CLK3: variants seen among roughly 807,000 people sequenced by gnomAD.
The protein encoded by CLK3 is CDC like kinase 3, also known as dual specificity protein kinase CLK3.
Under a neutral mutation model 65.2 loss-of-function variants are expected in CLK3, and 24 were observed. That is an observed-to-expected ratio of 0.37 (90% confidence interval 0.27 to 0.52). CLK3 has a LOEUF of 0.52. Ranked by LOEUF, CLK3 falls within the 20% of genes least tolerant of loss-of-function variation. CLK3 has a pLI of 0.92. For missense variants in CLK3, 506 were observed against 660.0 expected (o/e 0.77, Z 2.56); for synonymous variants, 252 against 240.8 (o/e 1.05, Z -0.43).
chr15:74,619,339 G>C lies in CLK3; in HGVS notation c.143G>C (p.Arg48Pro), dbSNP rs183588535. 2 of 1,614,054 alleles carry C rather than the reference G, an allele frequency of 1.2e-6. No homozygotes were observed. The change falls in exon 2 of 13, where the codon CGG becomes CCG. Residue 48 changes from arginine to proline, a missense_variant. Around this residue, in one of 2 missense-constraint regions of CLK3, gnomAD observed 181 missense variants for 159.4 expected, o/e 1.14. Transcript: ENST00000395066. ...SRREPPPRRS[R>P]SRSHDRLPYQ... The stretch of plus-strand genomic sequence containing the variant: ...AGGGAGCCTCCCCCACGAAGATCTC[G>C]GTCCAGAAGGTGAGAGGGAACTAGA...
chr15:74,619,786 T>C (rs1255427447), intron 2 of CLK3, among the ~76,000 whole-genome samples: 1 of 152,140 alleles, frequency 6.6e-6, no homozygotes, highest in African/African-American at 2.4e-5. Flanking sequence ...CCCCTTCCCC[T>C]GTACCCCTCC....
Position 74,627,099 on chromosome 15 carries a change from G to C in CLK3, c.818-253G>C. 3.5e-6 allele frequency: 2 copies of C among 573,276 alleles called. No homozygotes were observed. The highest frequency in any genetic ancestry group is 6.6e-6 in the Non-Finnish European group (2 of 304,134). The allele number at this position is 573,276 out of a possible 1,614,324, so 35.5% of individuals were successfully genotyped here. A position where few individuals can be genotyped will look rare whatever the true frequency, so the allele number is the denominator to read the frequency against. On this transcript the variant is annotated intron_variant, in intron 7 of 12. Coordinates refer to ENST00000395066, the MANE Select transcript of CLK3 (RefSeq NM_001130028.2). The surrounding 1 kb of genome is among the most constrained non-coding windows in gnomAD (Gnocchi z 4.3). ...GGCCTGGTCTCTGCAGAGGAGAGGT[G>C]GAGGGAGGTTTTTCGAATGGCAAAT...
chr15:74,621,915 T>TGAC lies in CLK3; in HGVS notation c.370-204_370-203insACG, dbSNP rs1330298260. On this transcript the variant is annotated intron_variant, in intron 3 of 12. Coordinates refer to ENST00000395066, the MANE Select transcript of CLK3 (RefSeq NM_001130028.2). This position sits in a 1 kb window ranked among gnomAD's most constrained non-coding sequence, Gnocchi z 4.8. ...TACTTTTCTGTTTTTGAAGTCAGTTTGTGTCTTGACGTGTCCCTTGCAATA... is the reference window on the plus strand; with the variant it reads ...TACTTTTCTGTTTTTGAAGTCAGTTTGACGTGTCTTGACGTGTCCCTTGCAATA... The TGAC allele has an allele frequency of 1.6e-6, 1 of 640,560 alleles. No homozygotes were observed. Among genetic ancestry groups the TGAC allele is most frequent in the Non-Finnish European group, 2.9e-6 (1 of 342,928 alleles). The allele number at this position is 640,560 out of a possible 1,614,324, so 39.7% of individuals were successfully genotyped here.
chr15:74,627,307 C>T lies in CLK3; in HGVS notation c.818-45C>T. The T allele has an allele frequency of 6.7e-7, 1 of 1,503,450 alleles. No homozygotes were observed. The highest frequency in any genetic ancestry group is 9.3e-7 in the Non-Finnish European group (1 of 1,079,792). 93.1% of individuals were successfully genotyped at this position (1,503,450 alleles called of 1,614,324 possible). A position where few individuals can be genotyped will look rare whatever the true frequency, so the allele number is the denominator to read the frequency against. ...GTCTGGCCTAGAGCTGGCAGGAGAG[C>T]CAGCTTCTCAGTGCCTACTTCCCCT... On this transcript the variant is annotated intron_variant, in intron 7 of 12. Coordinates refer to ENST00000395066, the MANE Select transcript of CLK3 (RefSeq NM_001130028.2). This position sits in a 1 kb window ranked among gnomAD's most constrained non-coding sequence, Gnocchi z 4.3.
At position 74,628,675 on chromosome 15, in the gene CLK3, C is replaced by T. The variant is rs1239552587; in HGVS notation, c.1197C>T (p.His399=). Residue 399 remains histidine (H), a synonymous_variant, in exon 11 of 13, where the codon CAC becomes CAT. Transcript: ENST00000395066. ...ILGPIPSHMI[H]RTRKQKYFYK... is the part of the protein sequence containing the mutation. ...GGCCCATCCCATCACACATGATCCA[C>T]CGTACCAGGTAAGGACCCCAGTAGC... The T allele has an allele frequency of 6.2e-7, 1 of 1,612,290 alleles. No homozygotes were observed. The highest frequency in any genetic ancestry group is 1.1e-5 in the South Asian group (1 of 90,970).
In CLK3 at chr15:74,627,683, G is replaced by A. The variant is rs970432803; in HGVS notation, c.1042+15G>A. 1 of 1,613,246 alleles carries A rather than the reference G, an allele frequency of 6.2e-7. No individual in the cohort carries two copies. The highest frequency in any genetic ancestry group is 8.5e-7 in the Non-Finnish European group (1 of 1,180,012). ...GGTGATCCTTGGTGAGTGACTGTAT[G>A]GCCTGTGACCTTGTCATACTGGACT... On this transcript the variant is annotated intron_variant, in intron 9 of 12. Transcript: ENST00000395066. This position sits in a 1 kb window ranked among gnomAD's most constrained non-coding sequence, Gnocchi z 4.3.
chr15:74,626,316 C>CAGGTCCTGCCCACATGG (rs1003926228), intron 7 of CLK3, among the ~76,000 whole-genome samples: 7 of 152,254 alleles, frequency 4.6e-5, no homozygotes, highest in Admixed American at 4.6e-4. Context: ...GATAGCACCA[C>CAGGTCCTGCCCACATGG]AGGTCCTGCC....
chr15:74,627,897 G>T lies in CLK3; in HGVS notation c.1043-73G>T. On this transcript the variant is annotated intron_variant, in intron 9 of 12. Transcript: ENST00000395066. This position sits in a 1 kb window ranked among gnomAD's most constrained non-coding sequence, Gnocchi z 4.3. ...GGCAAGAGTCCTGCCAGCCGGTGTG[G>T]TGGCTGCCTTGTGACTTCCAGGCTG... 7.7e-7 allele frequency: 1 copy of T among 1,303,488 alleles called. No individual in the cohort carries two copies. Among genetic ancestry groups the T allele is most frequent in the South Asian group, 1.2e-5 (1 of 84,178 alleles). The allele number at this position is 1,303,488 out of a possible 1,614,324, so 80.7% of individuals were successfully genotyped here.
chr15:74,618,084 C>CCTG (rs1412753323), intron 1 of CLK3, among the ~76,000 whole-genome samples: 2 of 152,098 alleles, frequency 1.3e-5, no homozygotes, highest in African/African-American at 4.8e-5. Context: ...CCTGACAGAC[C>CCTG]CTGCTGGTGA....
chr15:74,629,580 A>G, intron 12 of CLK3, 127 bp from the exon 13 acceptor site: 1 of 658,732 alleles, frequency 1.5e-6, no homozygotes, highest in Non-Finnish European at 2.7e-6. Flanking sequence ...GGGCGGAAGT[A>G]GAGTCCTCCA....
Position 74,622,052 on chromosome 15 carries a change from C to A in CLK3, c.370-68C>A. On this transcript the variant is annotated intron_variant, in intron 3 of 12. Coordinates refer to ENST00000395066, the MANE Select transcript of CLK3 (RefSeq NM_001130028.2). The surrounding 1 kb of genome is among the most constrained non-coding windows in gnomAD (Gnocchi z 4.6). ...CCACCTCTGCCTTTGACTGACACCT[C>A]AATCTGTCAATCGGAACCGCCTACC... is the stretch of plus-strand genomic sequence containing the variant. 6.9e-7 allele frequency: 1 copy of A among 1,454,322 alleles called. No individual in the cohort carries two copies. The highest frequency in any genetic ancestry group is 9.6e-7 in the Non-Finnish European group (1 of 1,036,448). 90.1% of individuals were successfully genotyped at this position (1,454,322 alleles called of 1,614,324 possible).
upstream of CLK3, chr15:74,615,337 A>C (rs2062043799): frequency 5.0e-6 from 5 of 1,000,192 alleles, no homozygotes; most frequent in South Asian, 2.4e-4. Flanking sequence ...AAACCCGCAC[A>C]CACCAAGATA....
intron 1 of CLK3, among the ~76,000 whole-genome samples, chr15:74,608,889 G>C (rs2061947965): frequency 6.6e-6 from 1 of 152,180 alleles, no homozygotes; most frequent in African/African-American, 2.4e-5. Flanking sequence ...CCCCACCCCA[G>C]CCTGGCTTGG....
In CLK3 at chr15:74,627,282, G is replaced by A. The variant is rs1596291182; in HGVS notation, c.818-70G>A. On this transcript the variant is annotated intron_variant, in intron 7 of 12. Coordinates refer to ENST00000395066, the MANE Select transcript of CLK3 (RefSeq NM_001130028.2). This position sits in a 1 kb window ranked among gnomAD's most constrained non-coding sequence, Gnocchi z 4.3. ...GGCAGTTGCTGGCATTGGAAGAGGG[G>A]TCTGGCCTAGAGCTGGCAGGAGAGC... 1 of 1,223,786 alleles carries A rather than the reference G, an allele frequency of 8.2e-7. No homozygotes were observed. Among genetic ancestry groups the A allele is most frequent in the East Asian group, 2.3e-5 (1 of 43,012 alleles). The allele number at this position is 1,223,786 out of a possible 1,614,324, so 75.8% of individuals were successfully genotyped here. A position where few individuals can be genotyped will look rare whatever the true frequency, so the allele number is the denominator to read the frequency against.
In CLK3 at chr15:74,627,923, G is replaced by A; in HGVS notation, c.1043-47G>A. 6.8e-7 allele frequency: 1 copy of A among 1,467,774 alleles called. No individual in the cohort carries two copies. Among genetic ancestry groups the A allele is most frequent in the South Asian group, 1.1e-5 (1 of 88,184 alleles). The allele number at this position is 1,467,774 out of a possible 1,614,324, so 90.9% of individuals were successfully genotyped here. A position where few individuals can be genotyped will look rare whatever the true frequency, so the allele number is the denominator to read the frequency against. On this transcript the variant is annotated intron_variant, in intron 9 of 12. Coordinates refer to ENST00000395066, the MANE Select transcript of CLK3 (RefSeq NM_001130028.2). This position sits in a 1 kb window ranked among gnomAD's most constrained non-coding sequence, Gnocchi z 4.3. ...TGGCTGCCTTGTGACTTCCAGGCTG[G>A]AAGCATAAGGCCGGATCTCACAGCC... is the stretch of plus-strand genomic sequence containing the variant.
chr15:74,608,880 C>T (rs1042352488), intron 1 of CLK3, among the ~76,000 whole-genome samples: 6 of 152,194 alleles, frequency 3.9e-5, no homozygotes, highest in Non-Finnish European at 8.8e-5. Context: ...GAACAGAGCC[C>T]CCACCCCAGC....
chr15:74,622,957 G>A lies in CLK3; in HGVS notation c.533+397G>A, dbSNP rs946666669. ...AGGAGTACCAATAAGCCCAGCCCAA[G>A]CATAAGTCCCATTCCCTGAGGGTCT... On this transcript the variant is annotated intron_variant, in intron 5 of 12. Transcript: ENST00000395066. The surrounding 1 kb of genome is among the most constrained non-coding windows in gnomAD (Gnocchi z 4.6). Among the ~76,000 whole-genome samples the A allele has an allele frequency of 1.7e-4, 26 of 152,184 alleles. No homozygotes were observed. The highest frequency in any genetic ancestry group is 3.2e-4 in the Non-Finnish European group (22 of 68,028).
chr15:74,624,775 A>G lies in CLK3; in HGVS notation c.534-127A>G, dbSNP rs933439147. 2.9e-6 allele frequency: 2 copies of G among 694,350 alleles called. No homozygotes were observed. Among genetic ancestry groups the G allele is most frequent in the East Asian group, 5.5e-5 (2 of 36,690 alleles). The allele number at this position is 694,350 out of a possible 1,614,324, so 43.0% of individuals were successfully genotyped here. ...GCATGGGGCAGGCTGGGCATCCAGTATCTGCTCTCTTCAGTGCCGGCTGCT... is the reference window on the plus strand; with the variant it reads ...GCATGGGGCAGGCTGGGCATCCAGTGTCTGCTCTCTTCAGTGCCGGCTGCT... On this transcript the variant is annotated intron_variant, in intron 5 of 12. Coordinates refer to ENST00000395066, the MANE Select transcript of CLK3 (RefSeq NM_001130028.2). This position sits in a 1 kb window ranked among gnomAD's most constrained non-coding sequence, Gnocchi z 4.2.
In CLK3 at chr15:74,627,852, G is replaced by A. The variant is rs1159721185; in HGVS notation, c.1043-118G>A. ...TTTATCTGTCAGCCTTACTGAGAGAGGGCCTCGTACTGGGATTTGGGCAAG... is the reference window on the plus strand; with the variant it reads ...TTTATCTGTCAGCCTTACTGAGAGAAGGCCTCGTACTGGGATTTGGGCAAG... On this transcript the variant is annotated intron_variant, in intron 9 of 12. Transcript: ENST00000395066. This position sits in a 1 kb window ranked among gnomAD's most constrained non-coding sequence, Gnocchi z 4.3. 1.7e-6 allele frequency: 2 copies of A among 1,172,648 alleles called. No individual in the cohort carries two copies. The highest frequency in any genetic ancestry group is 2.5e-6 in the Non-Finnish European group (2 of 794,182). The allele number at this position is 1,172,648 out of a possible 1,614,324, so 72.6% of individuals were successfully genotyped here.
Sources: allele counts gnomAD v4.1 joint callset (sites outside exome capture counted in the v4.1 genomes callset), GRCh38; gene constraint gnomAD v4.1.1; regional missense constraint gnomAD v4.1.1; non-coding constraint Gnocchi (gnomAD v3.1); transcripts MANE v1.5; gene names NCBI Gene and HGNC (gene_info 2026-07-23, HGNC 2026-07-21).